Variants in CACNA1B observed in about 807,000 individuals in gnomAD.
CACNA1B encodes calcium voltage-gated channel subunit alpha1 B.
Under a neutral mutation model 247.2 loss-of-function variants are expected in CACNA1B, and 70 were observed. The observed-to-expected ratio is 0.28, with a 90% CI of 0.23 to 0.35. The LOEUF (loss-of-function observed/expected upper bound fraction) is 0.35. Among genes scored for constraint, CACNA1B ranks in the 10% least tolerant of loss-of-function variants. The pLI, the probability that CACNA1B is intolerant of heterozygous loss-of-function variation, is 1.00. For synonymous variants in CACNA1B, 1,231 were observed against 1,294.4 expected (o/e 0.95, Z 1.05); for missense variants, 2,367 against 3,197.4 (o/e 0.74, Z 6.26).
At chr9:138,106,599 C>T (rs1055089119) in intron 39 of CACNA1B, among the ~76,000 whole-genome samples, 1 of 152,168 alleles carries the variant, frequency 6.6e-6, no homozygotes, top group African/African-American at 2.4e-5. Flanking sequence ...GAAACCCCAT[C>T]TCTACTAAAA....
chr9:138,108,984 T>A (rs1306751571), intron 39 of CACNA1B, among the ~76,000 whole-genome samples: 1 of 152,230 alleles, frequency 6.6e-6, no homozygotes. Flanking sequence ...TAATATATGA[T>A]GACACAAGTG....
intron 15 of CACNA1B, among the ~76,000 whole-genome samples, chr9:137,999,565 T>C (rs1589057805): frequency 6.6e-6 from 1 of 151,436 alleles, no homozygotes; most frequent in African/African-American, 2.4e-5. Flanking sequence ...CAGGCTGGAG[T>C]GCATTAGTGT....
intron 5 of CACNA1B, among the ~76,000 whole-genome samples, chr9:137,915,102 C>T (rs1053910334): frequency 6.6e-6 from 1 of 152,214 alleles, no homozygotes; most frequent in African/African-American, 2.4e-5. Flanking sequence ...CCAAGGTGAC[C>T]GTCGAGCAGC....
chr9:137,987,663 C>T lies in CACNA1B; in HGVS notation c.1974+809C>T, dbSNP rs184541797. Among the ~76,000 whole-genome samples, 351 of 152,206 alleles carry T rather than the reference C, an allele frequency of 2.3e-3. 2 individuals carry two copies. Among genetic ancestry groups the T allele is most frequent in the Non-Finnish European group, 3.7e-3 (252 of 67,996 alleles). On this transcript the variant is annotated intron_variant, in intron 15 of 46. Coordinates refer to ENST00000371372, the MANE Select transcript of CACNA1B (RefSeq NM_000718.4). ...TACCCTTGGTCAGGGCTGGAGCCTA[C>T]AACTTGTGTGAAGAGAGGGGCCCTT... is the stretch of plus-strand genomic sequence containing the variant.
At chr9:137,916,735 G>A (rs1341202492) in intron 5 of CACNA1B, among the ~76,000 whole-genome samples, 1 of 151,956 alleles carries the variant, frequency 6.6e-6, no homozygotes, top group Non-Finnish European at 1.5e-5. Flanking sequence ...GTGGCAGTTT[G>A]GCTGTGAGGG....
At chr9:137,927,889 G>C (rs557830923) in intron 6 of CACNA1B, among the ~76,000 whole-genome samples, 1 of 152,202 alleles carries the variant, frequency 6.6e-6, no homozygotes, top group South Asian at 2.1e-4. Context: ...GCACTGATAT[G>C]ATCATGTGAG....
At position 137,957,857 on chromosome 9, in the gene CACNA1B, T is replaced by C. The variant is rs1487645120; in HGVS notation, c.1333+170T>C. Among the ~76,000 whole-genome samples, 1 of 152,310 alleles carries C rather than the reference T, an allele frequency of 6.6e-6. No individual in the cohort carries two copies. The highest frequency in any genetic ancestry group is 1.5e-5 in the Non-Finnish European group (1 of 68,024). On this transcript the variant is annotated intron_variant, in intron 10 of 46. Transcript: ENST00000371372. The surrounding 1 kb of genome is among the most constrained non-coding windows in gnomAD (Gnocchi z 4.7). The stretch of plus-strand genomic sequence containing the variant: ...TGGCTTTGTGACCCCCATGTGGACA[T>C]AGGGCCCTTAGCCATATCCCAAGGC...
chr9:137,903,466 C>T (rs548149028), intron 3 of CACNA1B, among the ~76,000 whole-genome samples: 4 of 152,294 alleles, frequency 2.6e-5, no homozygotes, highest in East Asian at 1.9e-4. Flanking sequence ...TCTCTCTGTC[C>T]GTGCCTGTGG....
chr9:138,073,742 T>C lies in CACNA1B; in HGVS notation c.4791+138T>C. 1 of 654,806 alleles carries C rather than the reference T, an allele frequency of 1.5e-6. No individual in the cohort carries two copies. Among genetic ancestry groups the C allele is most frequent in the Non-Finnish European group, 2.7e-6 (1 of 366,746 alleles). The allele number at this position is 654,806 out of a possible 1,614,324, so 40.6% of individuals were successfully genotyped here. ...GGTTTCGTGGTTGTATGCATTGTCC[T>C]GTTGTCATTTATAAAGACGTTTTAA... is the stretch of plus-strand genomic sequence containing the variant. On this transcript the variant is annotated intron_variant, in intron 33 of 46. Transcript: ENST00000371372. The surrounding 1 kb of genome is among the most constrained non-coding windows in gnomAD (Gnocchi z 6.4).
chr9:138,092,115 A>G (rs1235966474), intron 36 of CACNA1B, among the ~76,000 whole-genome samples: 1 of 152,212 alleles, frequency 6.6e-6, no homozygotes, highest in Non-Finnish European at 1.5e-5. Flanking sequence ...GTGAAATTAG[A>G]ATTACTGATG....
chr9:138,053,653 CCCACCCTCCCACCATGGCT>C (rs1339510083), intron 25 of CACNA1B, among the ~76,000 whole-genome samples, 174 bp from the exon 26 acceptor site: 1 of 145,496 alleles, frequency 6.9e-6, no homozygotes, highest in African/African-American at 2.5e-5. Context: ...CCCTCATGGC[CCCACCCTCCCACCATGGCT>C]CCACCCCTTT....
intron 21 of CACNA1B, among the ~76,000 whole-genome samples, chr9:138,045,099 G>A (rs1312677876): frequency 1.3e-5 from 2 of 152,180 alleles, no homozygotes; most frequent in Non-Finnish European, 2.9e-5. Flanking sequence ...TAAGAGTTAA[G>A]GTGAAGAGGG....
At chr9:138,115,700 C>T (rs750773166) in intron 42 of CACNA1B, 21 bp downstream of exon 42, 3 of 1,602,272 alleles carry the variant, frequency 1.9e-6, no homozygotes, top group South Asian at 2.2e-5. Flanking sequence ...AGATGCAGGA[C>T]ATAGCTGGAC....
chr9:138,063,792 T>C lies in CACNA1B; in HGVS notation c.4668+4055T>C, dbSNP rs143192088. The stretch of plus-strand genomic sequence containing the variant: ...AGTTTTCTTGCACAGTCCATACTGG[T>C]GAATTAAATGGGAATGAGGTGTAGA... On this transcript the variant is annotated intron_variant, in intron 31 of 46. Coordinates refer to ENST00000371372, the MANE Select transcript of CACNA1B (RefSeq NM_000718.4). Among the ~76,000 whole-genome samples, 123 of 152,336 alleles carry C rather than the reference T, an allele frequency of 8.1e-4. 1 individual carries two copies. The East Asian group carries it at 0.02, about 25-fold the overall frequency.
chr9:137,975,379 A>G (rs1958207215), intron 11 of CACNA1B, among the ~76,000 whole-genome samples: 1 of 152,152 alleles, frequency 6.6e-6, no homozygotes. Context: ...AGTCAGCCAC[A>G]GTGCCGTGGA....
chr9:138,110,354 A>T (rs1487429266), intron 39 of CACNA1B, among the ~76,000 whole-genome samples: 4 of 152,046 alleles, frequency 2.6e-5, no homozygotes, highest in African/African-American at 9.7e-5. Flanking sequence ...ACCTCAAATG[A>T]TCCACTTGCC....
At chr9:137,985,126 C>A (rs1242081751) in intron 13 of CACNA1B, among the ~76,000 whole-genome samples, 1 of 152,232 alleles carries the variant, frequency 6.6e-6, no homozygotes, top group East Asian at 1.9e-4. Context: ...GGTCATAGGT[C>A]ACACCTCTAG....
At chr9:138,105,947 G>A in intron 39 of CACNA1B, 140 bp downstream of exon 39, 1 of 599,824 alleles carries the variant, frequency 1.7e-6, no homozygotes. Context: ...AGCTGCACAG[G>A]ATACCCACCC....
chr9:137,936,950 C>T (rs1300502442), intron 6 of CACNA1B, among the ~76,000 whole-genome samples: 2 of 152,168 alleles, frequency 1.3e-5, no homozygotes, highest in Non-Finnish European at 2.9e-5. Context: ...TTATGATTGC[C>T]TTGGCAATGT....
Sources: allele counts gnomAD v4.1 joint callset (sites outside exome capture counted in the v4.1 genomes callset), GRCh38; gene constraint gnomAD v4.1.1; non-coding constraint Gnocchi (gnomAD v3.1); transcripts MANE v1.5; gene names NCBI Gene and HGNC (gene_info 2026-07-23, HGNC 2026-07-21).